Variants in LY86 observed in about 807,000 individuals in gnomAD.
The protein encoded by LY86 is MD-1, RP105-associated.
A neutral mutation model predicts 17.3 loss-of-function variants in LY86; 20 were observed. That is an observed-to-expected ratio of 1.15 (90% CI 0.81 to 1.68). The LOEUF is 1.68. Among genes scored for constraint, LY86 ranks in the 40% most tolerant of loss-of-function variants. The probability of loss-of-function intolerance (pLI) is 0.00; values close to 1 mark genes in which losing one functional copy is unlikely to be tolerated. For missense variants in LY86, 200 were observed against 191.9 expected (o/e 1.04, Z -0.25); for synonymous variants, 74 against 70.6 (o/e 1.05, Z -0.24).
At chr6:6,631,541 T>C in intron 3 of LY86, among the ~76,000 whole-genome samples, 1 of 152,216 alleles carries the variant, frequency 6.6e-6, no homozygotes. Context: ...CAAAGTGTGG[T>C]CCTCAGACCA....
intron 1 of LY86, among the ~76,000 whole-genome samples, chr6:6,596,499 G>C (rs982738032): frequency 6.6e-6 from 1 of 152,126 alleles, no homozygotes; most frequent in Non-Finnish European, 1.5e-5. Context: ...TATTTTCCCA[G>C]ATTAACAAGG....
chr6:6,603,785 T>C (rs1761002147), intron 1 of LY86, among the ~76,000 whole-genome samples: 2 of 151,914 alleles, frequency 1.3e-5, no homozygotes, highest in South Asian at 4.1e-4. Context: ...AGATGGAAAG[T>C]TGATCCCTCC....
chr6:6,623,629 C>G (rs569807112), intron 1 of LY86, among the ~76,000 whole-genome samples: 5 of 152,310 alleles, frequency 3.3e-5, no homozygotes, highest in African/African-American at 1.2e-4. Flanking sequence ...ATTCACTCAA[C>G]ATGTACATTT....
intron 1 of LY86, among the ~76,000 whole-genome samples, chr6:6,616,478 CA>C (rs1329180758): frequency 1.3e-5 from 2 of 152,188 alleles, no homozygotes; most frequent in African/African-American, 4.8e-5. Context: ...CCTTAGCAAA[CA>C]GGGATGTTAC....
intron 1 of LY86, among the ~76,000 whole-genome samples, chr6:6,605,148 G>A (rs1268579148): frequency 2.6e-5 from 4 of 151,976 alleles, no homozygotes; most frequent in Admixed American, 6.6e-5. Flanking sequence ...AAGCAAAGTA[G>A]CAACTTTATC....
intron 1 of LY86, among the ~76,000 whole-genome samples, chr6:6,613,202 C>T (rs907200335): frequency 3.3e-5 from 5 of 151,444 alleles, no homozygotes; most frequent in African/African-American, 7.3e-5. Context: ...CTCAGGAGCC[C>T]AGCTGGCTTC....
chr6:6,604,410 G>A (rs1382584039), intron 1 of LY86, among the ~76,000 whole-genome samples: 2 of 151,886 alleles, frequency 1.3e-5, no homozygotes, highest in Non-Finnish European at 2.9e-5. Context: ...AATAAAATAA[G>A]ACCCTTTAAA....
At chr6:6,630,749 C>T (rs960542361) in intron 3 of LY86, among the ~76,000 whole-genome samples, 2 of 152,208 alleles carry the variant, frequency 1.3e-5, no homozygotes, top group Admixed American at 1.3e-4. Flanking sequence ...ACATTAACTG[C>T]TCCTGTGCTT....
At position 6,623,346 on chromosome 6, in the gene LY86, G is replaced by A. The variant is rs376991919; in HGVS notation, c.137-1580G>A. On this transcript the variant is annotated intron_variant, in intron 1 of 4. Coordinates refer to ENST00000230568, the MANE Select transcript of LY86 (RefSeq NM_004271.4). ...TGTTACTGCAGTAGCTTAGGGCCCCGCAGAGCTGAGTCTCAGCTGAAGCTG... is the reference window on the plus strand; with the variant it reads ...TGTTACTGCAGTAGCTTAGGGCCCCACAGAGCTGAGTCTCAGCTGAAGCTG... 8.7e-4 allele frequency among the ~76,000 whole-genome samples: 132 copies of A among 152,302 alleles called. 1 individual carries two copies. The highest frequency in any genetic ancestry group is 2.8e-4 in the Non-Finnish European group (19 of 68,018).
intron 1 of LY86, among the ~76,000 whole-genome samples, chr6:6,606,383 C>G (rs575038708): frequency 2.0e-5 from 3 of 152,334 alleles, no homozygotes; most frequent in African/African-American, 7.2e-5. Context: ...AAGTCCCCCC[C>G]AGACTCAGGA....
intron 1 of LY86, among the ~76,000 whole-genome samples, chr6:6,600,101 A>G (rs1433498431): frequency 6.6e-6 from 1 of 152,198 alleles, no homozygotes; most frequent in Non-Finnish European, 1.5e-5. Flanking sequence ...GGGCTCCTTT[A>G]TAATATTGAG....
intron 3 of LY86, among the ~76,000 whole-genome samples, chr6:6,628,807 T>C (rs1469843895): frequency 6.6e-6 from 1 of 152,208 alleles, no homozygotes; most frequent in Non-Finnish European, 1.5e-5. Flanking sequence ...TAGATACTTG[T>C]TTTATTGCAT....
At chr6:6,617,028 G>A (rs1022374190) in intron 1 of LY86, among the ~76,000 whole-genome samples, 5 of 152,192 alleles carry the variant, frequency 3.3e-5, no homozygotes, top group African/African-American at 7.2e-5. Context: ...ATGTGCTAAC[G>A]TCCAATCTTC....
chr6:6,591,894 G>A (rs1423735688), intron 1 of LY86, among the ~76,000 whole-genome samples: 5 of 152,192 alleles, frequency 3.3e-5, no homozygotes, highest in Admixed American at 6.5e-5. Context: ...ATGGGACCAG[G>A]CACAGGGTTC....
rs77856807 is a variant in LY86 at position 6,626,586 on chromosome 6, G to T, written c.352+165G>T. On this transcript the variant is annotated intron_variant, in intron 3 of 4. Transcript: ENST00000230568. ...TGTGTTGCAGAAAAATAACAATAAG[G>T]CCCATTCCATAGGCCTACCTTACAG... Among the ~76,000 whole-genome samples, 524 of 152,206 alleles carry T rather than the reference G, an allele frequency of 3.4e-3. 2 individuals carry two copies. Among genetic ancestry groups the T allele is most frequent in the African/African-American group, 0.011 (455 of 41,540 alleles).
chr6:6,625,019 A>G lies in LY86; in HGVS notation c.223+7A>G, dbSNP rs775666814. 4.8e-6 allele frequency: 6 copies of G among 1,252,880 alleles called. No homozygotes were observed. The highest frequency in any genetic ancestry group is 1.9e-4 in the Middle Eastern group (1 of 5,336). 77.6% of individuals were successfully genotyped at this position (1,252,880 alleles called of 1,614,324 possible). A position where few individuals can be genotyped will look rare whatever the true frequency, so the allele number is the denominator to read the frequency against. On this transcript the variant is annotated splice_region_variant and intron_variant, in intron 2 of 4. Coordinates refer to ENST00000230568, the MANE Select transcript of LY86 (RefSeq NM_004271.4). ...AGATTTGGAATTATTCTGAGTAAGT[A>G]AAAAAAATGATTAGCATGAAATAAA...
chr6:6,635,855 T>C (rs1001889157), intron 3 of LY86, among the ~76,000 whole-genome samples: 3 of 152,192 alleles, frequency 2.0e-5, no homozygotes, highest in African/African-American at 7.2e-5. Context: ...CTATTTCACC[T>C]GCCATTATTA....
At chr6:6,636,105 G>C (rs1011829182) in intron 3 of LY86, among the ~76,000 whole-genome samples, 3 of 152,170 alleles carry the variant, frequency 2.0e-5, no homozygotes, top group Admixed American at 2.0e-4. Flanking sequence ...TGGGGAGTCT[G>C]AGAATTTGCA....
At chr6:6,600,586 T>C (rs1185495867) in intron 1 of LY86, among the ~76,000 whole-genome samples, 3 of 47,906 alleles carry the variant, frequency 6.3e-5, no homozygotes, top group African/African-American at 3.2e-4. Context: ...TGAGACTCCA[T>C]CAAAAAAAAA....
Sources: gnomAD v4.1 joint callset for allele counts (sites outside exome capture counted in the v4.1 genomes callset) on GRCh38, gnomAD v4.1.1 for gene constraint, MANE v1.5 for transcripts, NCBI Gene and HGNC (gene_info 2026-07-23, HGNC 2026-07-21) for gene names.